The following EXOSC6 variants were observed in gnomAD, a reference collection of about 807,000 sequenced individuals.
The protein encoded by EXOSC6 is exosome component 6.
A neutral mutation model predicts 16.7 loss-of-function variants in EXOSC6; 21 were observed. The ratio of observed to expected loss-of-function variants is 1.26; its 90% CI spans 0.89 to 1.82. The LOEUF is 1.82. Among genes scored for constraint, EXOSC6 ranks in the 40% most tolerant of loss-of-function variants. The probability of loss-of-function intolerance (pLI) is 0.00; values close to 1 mark genes in which losing one functional copy is unlikely to be tolerated. For synonymous variants in EXOSC6, 297 were observed against 217.1 expected, an observed-to-expected ratio of 1.37 and a Z score of -3.24; for missense variants, 538 against 415.7, an observed-to-expected ratio of 1.29 and a Z score of -2.56.
chr16:70,249,719 G>C lies in EXOSC6; in HGVS notation c.*1363C>G, dbSNP rs1959764550. On this transcript the variant is annotated 3_prime_UTR_variant, in exon 1 of 1. Coordinates refer to ENST00000435634, the MANE Select transcript of EXOSC6 (RefSeq NM_058219.3). ...AAATCTTATAACTTTGGGAGGCTGAGGCAGATGGATCACTGAGATCAGGAG... is the reference window on the plus strand; with the variant it reads ...AAATCTTATAACTTTGGGAGGCTGACGCAGATGGATCACTGAGATCAGGAG... The C allele has an allele frequency of 6.6e-6, 1 of 152,172 alleles. No homozygotes were observed. Among genetic ancestry groups the C allele is most frequent in the Non-Finnish European group, 1.5e-5 (1 of 68,042 alleles). The allele number at this position is 152,172 out of a possible 1,614,324, so 9.4% of individuals were successfully genotyped here.
At position 70,250,991 on chromosome 16, in the gene EXOSC6, G is replaced by C. The variant is rs1959801010; in HGVS notation, c.*91C>G. 7.1e-6 allele frequency: 10 copies of C among 1,399,202 alleles called. No individual in the cohort carries two copies. Among genetic ancestry groups the C allele is most frequent in the Non-Finnish European group, 9.3e-6 (10 of 1,077,980 alleles). 86.7% of individuals were successfully genotyped at this position (1,399,202 alleles called of 1,614,324 possible). On this transcript the variant is annotated 3_prime_UTR_variant, in exon 1 of 1. Transcript: ENST00000435634. ...TATCAGGGCCCTTCCAGGAATTCTCGACGCAAACTGGAGGCCGATGGCGCG... is the reference window on the plus strand; with the variant it reads ...TATCAGGGCCCTTCCAGGAATTCTCCACGCAAACTGGAGGCCGATGGCGCG...
rs536434410 is a variant in EXOSC6, at chr16:70,251,085, G to A, written c.816C>T (p.Pro272=). ...AARRRGAAAQ[P] ...CGTAGTTGCTCAGGCTTCTGGTTCA[G>A]GGCTGGGCGGCGGCGCCCCTGCGGC... Residue 272 remains proline (P), a synonymous_variant, in exon 1 of 1, where the codon CCC becomes CCT. Coordinates refer to ENST00000435634, the MANE Select transcript of EXOSC6 (RefSeq NM_058219.3). The A allele has an allele frequency of 5.4e-6, 8 of 1,478,280 alleles. No homozygotes were observed. The highest frequency in any genetic ancestry group is 2.7e-5 in the South Asian group (2 of 73,336). The allele number at this position is 1,478,280 out of a possible 1,614,324, so 91.6% of individuals were successfully genotyped here.
Position 70,250,880 on chromosome 16 carries a change from T to G in EXOSC6, c.*202A>C. On this transcript the variant is annotated 3_prime_UTR_variant, in exon 1 of 1. Coordinates refer to ENST00000435634, the MANE Select transcript of EXOSC6 (RefSeq NM_058219.3). ...ACCACAAGCGCAGCTCCAGGGGCTG[T>G]TGAGTTTTGCCTTTATCATTCCAAG... 1.8e-6 allele frequency: 1 copy of G among 547,874 alleles called. No homozygotes were observed. Among genetic ancestry groups the G allele is most frequent in the Non-Finnish European group, 2.9e-6 (1 of 349,434 alleles). 33.9% of individuals were successfully genotyped at this position (547,874 alleles called of 1,614,324 possible). A position where few individuals can be genotyped will look rare whatever the true frequency, so the allele number is the denominator to read the frequency against.
Position 70,251,651 on chromosome 16 carries a change from C to G in EXOSC6, c.250G>C (p.Ala84Pro). ...GGERGGGPAG[A>P]GGEAPAALRG... ...AGCGCGGCCGGGGCCTCGCCGCCTG[C>G]TCCGGCCGGGCCGCCGCCGCGCTCG... The change falls in exon 1 of 1, where the codon GCA becomes CCA. Residue 84 changes from alanine (A) to proline (P), a missense_variant. Physicochemically the swap from Ala to Pro is conservative, Grantham distance 27. Transcript: ENST00000435634. The G allele has an allele frequency of 8.4e-7, 1 of 1,186,536 alleles. No individual in the cohort carries two copies. The highest frequency in any genetic ancestry group is 1.6e-5 in the African/African-American group (1 of 62,122). 73.5% of individuals were successfully genotyped at this position (1,186,536 alleles called of 1,614,324 possible).
In EXOSC6 at chr16:70,248,057, AAAAAAAGAGAAAAAGAAAACC is replaced by A. The variant is rs1484422977; in HGVS notation, c.*3004_*3024del. Reference sequence around the variant, plus strand: ...ACAATAGAGCAAGATTTCGTCTCAAAAAAAAAGAGAAAAAGAAAACCATTATTTTGCAATAGCCAATGTTAT... The same window carrying A: ...ACAATAGAGCAAGATTTCGTCTCAAAATTATTTTGCAATAGCCAATGTTAT... On this transcript the variant is annotated 3_prime_UTR_variant, in exon 1 of 1. Transcript: ENST00000435634. The A allele has an allele frequency of 6.6e-6, 1 of 152,182 alleles. No homozygotes were observed. Among genetic ancestry groups the A allele is most frequent in the Admixed American group, 6.6e-5 (1 of 15,266 alleles). The allele number at this position is 152,182 out of a possible 1,614,324, so 9.4% of individuals were successfully genotyped here. A position where few individuals can be genotyped will look rare whatever the true frequency, so the allele number is the denominator to read the frequency against.
rs1471243715 is a variant in EXOSC6 at position 70,248,985 on chromosome 16, A to T, written c.*2097T>A. The T allele has an allele frequency of 6.7e-6, 1 of 148,824 alleles. No homozygotes were observed. Among genetic ancestry groups the T allele is most frequent in the Non-Finnish European group, 1.5e-5 (1 of 67,596 alleles). 9.2% of individuals were successfully genotyped at this position (148,824 alleles called of 1,614,324 possible). On this transcript the variant is annotated 3_prime_UTR_variant, in exon 1 of 1. Transcript: ENST00000435634. The stretch of plus-strand genomic sequence containing the variant: ...ATTTCCTTTATATTTTGTAAACTAC[A>T]TACCCAAAATAAAGCATATCAAAAA...
At position 70,250,470 on chromosome 16, in the gene EXOSC6, A is replaced by G. The variant is rs1959782781; in HGVS notation, c.*612T>C. The G allele has an allele frequency of 6.6e-6, 1 of 152,198 alleles. No homozygotes were observed. The highest frequency in any genetic ancestry group is 2.1e-4 in the South Asian group (1 of 4,824). 9.4% of individuals were successfully genotyped at this position (152,198 alleles called of 1,614,324 possible). A position where few individuals can be genotyped will look rare whatever the true frequency, so the allele number is the denominator to read the frequency against. ...GATCACCTGAGGTCAGGCATTCGAG[A>G]ACAGCCTGGCCCACATGGCGAAACC... is the stretch of plus-strand genomic sequence containing the variant. On this transcript the variant is annotated 3_prime_UTR_variant, in exon 1 of 1. Transcript: ENST00000435634.
At position 70,247,363 on chromosome 16, in the gene EXOSC6, ATC is replaced by A. The variant is rs1260374390; in HGVS notation, c.*3717_*3718del. The A allele has an allele frequency of 1.3e-5, 2 of 152,682 alleles. No individual in the cohort carries two copies. The highest frequency in any genetic ancestry group is 2.9e-5 in the Non-Finnish European group (2 of 68,482). 9.5% of individuals were successfully genotyped at this position (152,682 alleles called of 1,614,324 possible). ...TTTGTTAACATTAGTCCTTAATAAC[ATC>A]TGTTTACAATATCCCTAAATGCTCT... On this transcript the variant is annotated 3_prime_UTR_variant, in exon 1 of 1. Transcript: ENST00000435634.
In EXOSC6 at chr16:70,251,056, C is replaced by G. The variant is rs776710679; in HGVS notation, c.*26G>C. 1 of 1,445,522 alleles carries G rather than the reference C, an allele frequency of 6.9e-7. No homozygotes were observed. Among genetic ancestry groups the G allele is most frequent in the South Asian group, 1.5e-5 (1 of 68,234 alleles). The allele number at this position is 1,445,522 out of a possible 1,614,324, so 89.5% of individuals were successfully genotyped here. On this transcript the variant is annotated 3_prime_UTR_variant, in exon 1 of 1. Transcript: ENST00000435634. ...CGGCGGCAGCACGGTCCTCGGCTTG[C>G]GTCCGTAGTTGCTCAGGCTTCTGGT...
chr16:70,248,033 C>T lies in EXOSC6; in HGVS notation c.*3049G>A, dbSNP rs1380257271. Reference sequence around the variant, plus strand: ...TTGTGCCACTGCCCTCCAGCTTGGACAATAGAGCAAGATTTCGTCTCAAAA... The same window carrying T: ...TTGTGCCACTGCCCTCCAGCTTGGATAATAGAGCAAGATTTCGTCTCAAAA... On this transcript the variant is annotated 3_prime_UTR_variant, in exon 1 of 1. Transcript: ENST00000435634. 6.6e-6 allele frequency: 1 copy of T among 151,846 alleles called. No individual in the cohort carries two copies. The highest frequency in any genetic ancestry group is 6.6e-5 in the Admixed American group (1 of 15,222). The allele number at this position is 151,846 out of a possible 1,614,324, so 9.4% of individuals were successfully genotyped here.
rs34420744 is a variant in EXOSC6, at chr16:70,249,014, T to TAAAAAAAAAAAAAAAAA, written c.*2051_*2067dup. ...CCAAAATAAAGCATATCAAAAACTGTAAAAAAAAAAAAAAAAAACCCTAAT... is the reference window on the plus strand; with the variant it reads ...CCAAAATAAAGCATATCAAAAACTGTAAAAAAAAAAAAAAAAAAAAAAAAAAAAAAAAAAACCCTAAT... On this transcript the variant is annotated 3_prime_UTR_variant, in exon 1 of 1. Coordinates refer to ENST00000435634, the MANE Select transcript of EXOSC6 (RefSeq NM_058219.3). 14 of 103,374 alleles carry TAAAAAAAAAAAAAAAAA rather than the reference T, an allele frequency of 1.4e-4. No individual in the cohort carries two copies. Among genetic ancestry groups the TAAAAAAAAAAAAAAAAA allele is most frequent in the African/African-American group, 5.6e-4 (14 of 24,884 alleles). The allele number at this position is 103,374 out of a possible 1,614,324, so 6.4% of individuals were successfully genotyped here. A position where few individuals can be genotyped will look rare whatever the true frequency, so the allele number is the denominator to read the frequency against.
Position 70,251,697 on chromosome 16 carries a change from G to T in EXOSC6, c.204C>A (p.Gly68=). The stretch of plus-strand genomic sequence containing the variant: ...GCTCGCCGCCCTCGGCCTGTCGCGG[G>T]CCCGACACGGCACACAGCACCTTGG... ...GGTKVLCAVS[G]PRQAEGGERG... Residue 68 remains glycine (G), a synonymous_variant, in exon 1 of 1, where the codon GGC becomes GGA. Coordinates refer to ENST00000435634, the MANE Select transcript of EXOSC6 (RefSeq NM_058219.3). The T allele has an allele frequency of 7.7e-7, 1 of 1,299,168 alleles. No homozygotes were observed. The allele number at this position is 1,299,168 out of a possible 1,614,324, so 80.5% of individuals were successfully genotyped here. A position where few individuals can be genotyped will look rare whatever the true frequency, so the allele number is the denominator to read the frequency against.
chr16:70,250,076 A>T lies in EXOSC6; in HGVS notation c.*1006T>A, dbSNP rs1244037796. 1 of 152,202 alleles carries T rather than the reference A, an allele frequency of 6.6e-6. No homozygotes were observed. Among genetic ancestry groups the T allele is most frequent in the Non-Finnish European group, 1.5e-5 (1 of 68,040 alleles). 9.4% of individuals were successfully genotyped at this position (152,202 alleles called of 1,614,324 possible). On this transcript the variant is annotated 3_prime_UTR_variant, in exon 1 of 1. Transcript: ENST00000435634. Reference sequence around the variant, plus strand: ...ACTTGCTGGAAGTTCTTAGGAAACAAAATGACTATTCACAGAACCAAATAA... The same window carrying T: ...ACTTGCTGGAAGTTCTTAGGAAACATAATGACTATTCACAGAACCAAATAA...
At position 70,249,977 on chromosome 16, in the gene EXOSC6, G is replaced by A. The variant is rs1959770645; in HGVS notation, c.*1105C>T. On this transcript the variant is annotated 3_prime_UTR_variant, in exon 1 of 1. Coordinates refer to ENST00000435634, the MANE Select transcript of EXOSC6 (RefSeq NM_058219.3). ...AAAAATAAATATAAAAAAATAAAAA[G>A]CTGCTATTCTCCATTAATACCTGCA... The A allele has an allele frequency of 6.6e-6, 1 of 151,910 alleles. No individual in the cohort carries two copies. Among genetic ancestry groups the A allele is most frequent in the Non-Finnish European group, 1.5e-5 (1 of 67,980 alleles). The allele number at this position is 151,910 out of a possible 1,614,324, so 9.4% of individuals were successfully genotyped here.
In EXOSC6 at chr16:70,251,251, G is replaced by T; in HGVS notation, c.650C>A (p.Pro217His). 6 of 1,483,900 alleles carry T rather than the reference G, an allele frequency of 4.0e-6. No homozygotes were observed. The highest frequency in any genetic ancestry group is 5.3e-6 in the Non-Finnish European group (6 of 1,123,034). 91.9% of individuals were successfully genotyped at this position (1,483,900 alleles called of 1,614,324 possible). A position where few individuals can be genotyped will look rare whatever the true frequency, so the allele number is the denominator to read the frequency against. Residue 217 changes from proline (P) to histidine (H), a missense_variant, in exon 1 of 1, where the codon CCT becomes CAT. Transcript: ENST00000435634. ...CAGCCCGGCCACCTGATTCAGCACA[G>T]GCATGAGCGCCACGGTGAGGCCGGC... ...AAAGLTVALMPVLNQVAGLLG... is the reference protein window; with the variant it reads ...AAAGLTVALMHVLNQVAGLLG...
rs748576023 is a variant in EXOSC6, at chr16:70,251,854, G to A, written c.47C>T (p.Pro16Leu). The A allele has an allele frequency of 8.4e-6, 13 of 1,555,214 alleles. 2 individuals carry two copies. The highest frequency in any genetic ancestry group is 1.9e-4 in the Middle Eastern group (1 of 5,272). The change falls in exon 1 of 1, where the codon CCG becomes CTG. Residue 16 changes from proline to leucine, a missense_variant. Coordinates refer to ENST00000435634, the MANE Select transcript of EXOSC6 (RefSeq NM_058219.3). ...RRIRGPEESQ[P>L]PQLYAADEEE... is the part of the protein sequence containing the mutation. ...CTCGTCGGCCGCGTACAGCTGCGGC[G>A]GCTGCGATTCTTCAGGGCCGCGGAT...
chr16:70,251,727 T>C lies in EXOSC6; in HGVS notation c.174A>G (p.Gly58=). Residue 58 remains glycine, a synonymous_variant, in exon 1 of 1, where the codon GGA becomes GGG. Transcript: ENST00000435634. The stretch of plus-strand genomic sequence containing the variant: ...ACACGGCACACAGCACCTTGGTGCC[T>C]CCCGCCTCCAGGTAGGCCGAGCCCT... ...QAKGSAYLEA[G]GTKVLCAVSG... 2.2e-6 allele frequency: 3 copies of C among 1,392,664 alleles called. No individual in the cohort carries two copies. Among genetic ancestry groups the C allele is most frequent in the Non-Finnish European group, 1.8e-6 (2 of 1,084,610 alleles). The allele number at this position is 1,392,664 out of a possible 1,614,324, so 86.3% of individuals were successfully genotyped here.
Position 70,251,865 on chromosome 16 carries a change from T to G in EXOSC6, c.36A>C (p.Glu12Asp), listed in dbSNP as rs1394008918. 1 of 1,552,520 alleles carries G rather than the reference T, an allele frequency of 6.4e-7. No homozygotes were observed. Residue 12 changes from glutamate to aspartate, a missense_variant, in exon 1 of 1, where the codon GAA becomes GAC. Physicochemically the swap from Glu to Asp is conservative, Grantham distance 45. Coordinates refer to ENST00000435634, the MANE Select transcript of EXOSC6 (RefSeq NM_058219.3). ...CGTACAGCTGCGGCGGCTGCGATTCTTCAGGGCCGCGGATGCGGCGGTGAT... is the reference window on the plus strand; with the variant it reads ...CGTACAGCTGCGGCGGCTGCGATTCGTCAGGGCCGCGGATGCGGCGGTGAT... Reference protein sequence around the residue: ...PGDHRRIRGPEESQPPQLYAA... With the variant: ...PGDHRRIRGPDESQPPQLYAA...
Position 70,251,559 on chromosome 16 carries a change from C to T in EXOSC6, c.342G>A (p.Pro114=). 1.8e-6 allele frequency: 2 copies of T among 1,137,960 alleles called. No individual in the cohort carries two copies. Among genetic ancestry groups the T allele is most frequent in the Non-Finnish European group, 2.1e-6 (2 of 930,236 alleles). The allele number at this position is 1,137,960 out of a possible 1,614,324, so 70.5% of individuals were successfully genotyped here. A position where few individuals can be genotyped will look rare whatever the true frequency, so the allele number is the denominator to read the frequency against. ...CCAGCTCACGCTCCTCGCAGCCGCC[C>T]GGGGGAGCGCGGCGCCGGCGGCCCG... ...PFAGRRRRAP[P]GGCEERELAL... The change falls in exon 1 of 1, where the codon CCG becomes CCA. Residue 114 remains proline, a synonymous_variant. Coordinates refer to ENST00000435634, the MANE Select transcript of EXOSC6 (RefSeq NM_058219.3).
Sources: allele counts gnomAD v4.1 joint callset, GRCh38; gene constraint gnomAD v4.1.1; transcripts MANE v1.5; gene names NCBI Gene and HGNC (gene_info 2026-07-23, HGNC 2026-07-21).